SPIRE1: variants seen among roughly 807,000 people sequenced by gnomAD.
The protein encoded by SPIRE1 is spire type actin nucleation factor 1.
Under a neutral mutation model 94.1 loss-of-function variants are expected in SPIRE1, and 40 were observed. The ratio of observed to expected loss-of-function variants is 0.43; its 90% CI spans 0.33 to 0.55. The LOEUF is 0.55. Among genes scored for constraint, SPIRE1 ranks in the 20% least tolerant of loss-of-function variants. The pLI is 0.06. For missense variants in SPIRE1, 838 were observed against 975.2 expected, an observed-to-expected ratio of 0.86 and a Z score of 1.87; for synonymous variants, 376 against 371.7, an observed-to-expected ratio of 1.01 and a Z score of -0.13.
At chr18:12,539,102 T>C (rs2144227132) in intron 3 of SPIRE1, among the ~76,000 whole-genome samples, 1 of 152,320 alleles carries the variant, frequency 6.6e-6, no homozygotes, top group Admixed American at 6.5e-5. Flanking sequence ...ATTCAAACAA[T>C]ATTCACCAAA....
At chr18:12,562,126 G>C (rs1006081756) in intron 2 of SPIRE1, among the ~76,000 whole-genome samples, 1 of 152,162 alleles carries the variant, frequency 6.6e-6, no homozygotes, top group Non-Finnish European at 1.5e-5. Flanking sequence ...ATTAGTAGGA[G>C]AGCAAGAGAA....
At chr18:12,551,290 T>C (rs77991961) in intron 2 of SPIRE1, among the ~76,000 whole-genome samples, 5,977 of 152,254 alleles carry the variant, frequency 0.039, 198 homozygotes, top group Middle Eastern at 0.065. Flanking sequence ...ATCTCATAAT[T>C]AAATTGGTAA....
chr18:12,465,469 C>G (rs546453677), intron 10 of SPIRE1, among the ~76,000 whole-genome samples: 4 of 152,250 alleles, frequency 2.6e-5, no homozygotes, highest in African/African-American at 9.6e-5. Context: ...TGTTTCTTAT[C>G]TTAGTTTCAT....
rs982843279 is a variant in SPIRE1 at position 12,559,068 on chromosome 18, G to A, written c.373-12164C>T. On this transcript the variant is annotated intron_variant, in intron 2 of 16. Transcript: ENST00000409402. The surrounding 1 kb of genome is among the most constrained non-coding windows in gnomAD (Gnocchi z 4.7). ...GCGGGCAGAGGTGCCCGCCAGTCCC[G>A]TGCCACGTGCCTGCACTCCTCAGCC... is the stretch of plus-strand genomic sequence containing the variant. Among the ~76,000 whole-genome samples, 5 of 152,074 alleles carry A rather than the reference G, an allele frequency of 3.3e-5. No individual in the cohort carries two copies. The highest frequency in any genetic ancestry group is 4.1e-4 in the South Asian group (2 of 4,832).
intron 10 of SPIRE1, among the ~76,000 whole-genome samples, chr18:12,466,437 C>T (rs146894256): frequency 0.035 from 5,371 of 152,046 alleles, 123 homozygotes; most frequent in Middle Eastern, 0.065. Context: ...CCACCACGCC[C>T]GGCTAATTTT....
At chr18:12,519,952 T>G (rs571754212) in intron 4 of SPIRE1, among the ~76,000 whole-genome samples, 1 of 152,328 alleles carries the variant, frequency 6.6e-6, no homozygotes, top group South Asian at 2.1e-4. Flanking sequence ...CTTACACTTA[T>G]GTTCACACTC....
At chr18:12,654,202 T>C (rs1477569925) in intron 1 of SPIRE1, among the ~76,000 whole-genome samples, 1 of 151,158 alleles carries the variant, frequency 6.6e-6, no homozygotes, top group African/African-American at 2.4e-5. Flanking sequence ...CTGGGCATGG[T>C]GGTACACACC....
At chr18:12,557,832 T>C (rs1442601192) in intron 2 of SPIRE1, among the ~76,000 whole-genome samples, 2 of 151,736 alleles carry the variant, frequency 1.3e-5, no homozygotes, top group Non-Finnish European at 2.9e-5. Context: ...CACAGACCAA[T>C]GGAACAGAAT....
In SPIRE1 at chr18:12,657,814, A is replaced by G. The variant is rs1235476372; in HGVS notation, c.53T>C (p.Val18Ala). The G allele has an allele frequency of 3.2e-6, 4 of 1,239,246 alleles. No homozygotes were observed. Among genetic ancestry groups the G allele is most frequent in the African/African-American group, 1.6e-5 (1 of 62,358 alleles). 76.8% of individuals were successfully genotyped at this position (1,239,246 alleles called of 1,614,324 possible). A position where few individuals can be genotyped will look rare whatever the true frequency, so the allele number is the denominator to read the frequency against. Residue 18 changes from valine (V) to alanine (A), a missense_variant, in exon 1 of 17, where the codon GTG becomes GCG. Transcript: ENST00000409402. Reference sequence around the variant, plus strand: ...GGGCTCCCGCGGCCCCTCGCCGCCCACTGCCTCAGTCCGCGGCTCCCCGCC... The same window carrying G: ...GGGCTCCCGCGGCCCCTCGCCGCCCGCTGCCTCAGTCCGCGGCTCCCCGCC... ...AGGGEPRTEA[V>A]GGEGPREPGA... is the part of the protein sequence containing the mutation.
intron 2 of SPIRE1, among the ~76,000 whole-genome samples, chr18:12,569,784 C>T (rs1250435164): frequency 1.3e-5 from 2 of 152,090 alleles, no homozygotes; most frequent in East Asian, 3.9e-4. Context: ...GGGCCTCTGA[C>T]ATTCGTTAAA....
rs532892954 is a variant in SPIRE1 at position 12,518,690 on chromosome 18, CAAAACA to C, written c.730-6165_730-6160del. Among the ~76,000 whole-genome samples, 708 of 148,280 alleles carry C rather than the reference CAAAACA, an allele frequency of 4.8e-3. 3 individuals carry two copies. The highest frequency in any genetic ancestry group is 8.0e-3 in the African/African-American group (319 of 40,104). ...TAGGTGACAGAGCCTGACCCTGTCT[CAAAACA>C]AAAACAAAAACAAAAACAAAACAAA... On this transcript the variant is annotated intron_variant, in intron 4 of 16. Transcript: ENST00000409402.
At chr18:12,450,759 A>T in intron 16 of SPIRE1, 1 of 706,750 alleles carries the variant, frequency 1.4e-6, no homozygotes. Context: ...CTCTGTTCAG[A>T]ATTCCACCCC....
chr18:12,493,034 G>A (rs748495151), intron 8 of SPIRE1, 38 bp downstream of exon 8: 4 of 1,555,472 alleles, frequency 2.6e-6, no homozygotes, highest in Non-Finnish European at 3.5e-6. Context: ...TTTCCCAGGG[G>A]ATGACTCTAG....
intron 9 of SPIRE1, among the ~76,000 whole-genome samples, chr18:12,483,081 C>T (rs967942904): frequency 6.6e-6 from 1 of 151,940 alleles, no homozygotes; most frequent in Non-Finnish European, 1.5e-5. Context: ...GCTGGGACTA[C>T]AGGTGTGCAC....
chr18:12,644,031 C>CAAAAA (rs72419037), intron 1 of SPIRE1, among the ~76,000 whole-genome samples: 2 of 132,214 alleles, frequency 1.5e-5, no homozygotes, highest in Non-Finnish European at 3.1e-5. Context: ...CTGTCTCAAC[C>CAAAAA]AAAAAAAAAA....
intron 2 of SPIRE1, among the ~76,000 whole-genome samples, chr18:12,626,887 T>TATATATATA (rs1555634099): frequency 0.018 from 943 of 53,394 alleles, 11 homozygotes; most frequent in African/African-American, 0.035. Context: ...TATATATATA[T>TATATATATA]TTTTTTTTTT....
At chr18:12,601,739 G>A (rs1300038926) in intron 2 of SPIRE1, among the ~76,000 whole-genome samples, 1 of 152,122 alleles carries the variant, frequency 6.6e-6, no homozygotes, top group African/African-American at 2.4e-5. Flanking sequence ...CGTGGCCTTT[G>A]TCTCTGGATT....
At chr18:12,579,925 G>A (rs536923478) in intron 2 of SPIRE1, among the ~76,000 whole-genome samples, 1 of 152,292 alleles carries the variant, frequency 6.6e-6, no homozygotes, top group South Asian at 2.1e-4. Flanking sequence ...TAAACCACCT[G>A]TAACCAGCAT....
chr18:12,532,221 T>C (rs1019285952), intron 4 of SPIRE1, among the ~76,000 whole-genome samples: 2 of 152,186 alleles, frequency 1.3e-5, no homozygotes, highest in Admixed American at 6.5e-5. Flanking sequence ...GCTTTCTAAA[T>C]AAATAGATGA....
Sources: allele counts gnomAD v4.1 joint callset (sites outside exome capture counted in the v4.1 genomes callset), GRCh38; gene constraint gnomAD v4.1.1; non-coding constraint Gnocchi (gnomAD v3.1); transcripts MANE v1.5; gene names NCBI Gene and HGNC (gene_info 2026-07-23, HGNC 2026-07-21).